The following SPECC1 variants were observed in gnomAD, a reference collection of about 807,000 sequenced individuals.
SPECC1 encodes the protein sperm antigen with calponin homology and coiled-coil domains 1, also known as cytospin-B.
A neutral mutation model predicts 104.1 loss-of-function variants in SPECC1; 62 were observed. The ratio of observed to expected loss-of-function variants is 0.60; its 90% CI spans 0.49 to 0.74. The LOEUF (loss-of-function observed/expected upper bound fraction) is 0.74. SPECC1 is among the 30% of genes least tolerant of loss of function. The pLI is 0.00. For synonymous variants in SPECC1, 513 were observed against 501.6 expected, an observed-to-expected ratio of 1.02 and a Z score of -0.30; for missense variants, 1,306 against 1,310.5, an observed-to-expected ratio of 1.00 and a Z score of 0.05.
At chr17:20,185,693 G>A (rs1168794683) in intron 3 of SPECC1, among the ~76,000 whole-genome samples, 1 of 152,212 alleles carries the variant, frequency 6.6e-6, no homozygotes, top group Non-Finnish European at 1.5e-5. Context: ...TGTGATGAAG[G>A]AATTCATTCA....
intron 3 of SPECC1, among the ~76,000 whole-genome samples, chr17:20,122,064 T>C (rs2049061559): frequency 6.6e-6 from 1 of 151,566 alleles, no homozygotes; most frequent in South Asian, 2.1e-4. Context: ...ACAGCTGGAG[T>C]GGTGGACATT....
chr17:20,273,117 C>T (rs1373561102), intron 12 of SPECC1, among the ~76,000 whole-genome samples: 3 of 152,190 alleles, frequency 2.0e-5, no homozygotes, highest in Non-Finnish European at 4.4e-5. Flanking sequence ...CATCCATTCT[C>T]CAGAGAAAGG....
intron 3 of SPECC1, among the ~76,000 whole-genome samples, chr17:20,124,669 C>A (rs1230093162): frequency 6.6e-6 from 1 of 152,164 alleles, no homozygotes; most frequent in Non-Finnish European, 1.5e-5. Context: ...TCATCATAAG[C>A]TGCAAATATG....
At chr17:20,022,552 T>C (rs2044436623) in intron 1 of SPECC1, among the ~76,000 whole-genome samples, 1 of 152,230 alleles carries the variant, frequency 6.6e-6, no homozygotes, top group South Asian at 2.1e-4. Flanking sequence ...TTTTACCTTT[T>C]GACATGTCTG....
intron 1 of SPECC1, among the ~76,000 whole-genome samples, chr17:20,050,438 A>G (rs1042755771): frequency 6.6e-6 from 1 of 152,202 alleles, no homozygotes; most frequent in South Asian, 2.1e-4. Context: ...TCATGTACCA[A>G]TATCAAACCT....
rs1469211169 is a variant in SPECC1, at chr17:20,173,940, TG to T, written c.284-30392del. ...TGAAGTTTTTGGTGTTTTTTTTTTTTGTTTTTGTGGAGACGGAGTTTTGCTT... is the reference window on the plus strand; with the variant it reads ...TGAAGTTTTTGGTGTTTTTTTTTTTTTTTTTGTGGAGACGGAGTTTTGCTT... On this transcript the variant is annotated intron_variant, in intron 3 of 14. Transcript: ENST00000395527. Among the ~76,000 whole-genome samples the T allele has an allele frequency of 9.3e-4, 130 of 140,264 alleles. 1 individual carries two copies. Among genetic ancestry groups the T allele is most frequent in the African/African-American group, 3.1e-3 (116 of 36,918 alleles). 92.0% of individuals were successfully genotyped at this position (140,264 alleles called of 152,430 possible). A position where few individuals can be genotyped will look rare whatever the true frequency, so the allele number is the denominator to read the frequency against.
At chr17:20,032,597 C>T (rs183957774) in intron 1 of SPECC1, among the ~76,000 whole-genome samples, 13 of 152,124 alleles carry the variant, frequency 8.5e-5, no homozygotes, top group African/African-American at 1.4e-4. Flanking sequence ...CTTTCAACTC[C>T]GGAATTTCCA....
chr17:20,187,708 T>G (rs1237688907), intron 3 of SPECC1, among the ~76,000 whole-genome samples: 1 of 152,198 alleles, frequency 6.6e-6, no homozygotes, highest in Non-Finnish European at 1.5e-5. Flanking sequence ...ACCAAGAGAT[T>G]TTTAACTCAC....
intron 3 of SPECC1, among the ~76,000 whole-genome samples, chr17:20,115,543 A>G (rs945695506): frequency 1.3e-5 from 2 of 152,160 alleles, no homozygotes; most frequent in Non-Finnish European, 2.9e-5. Context: ...AGGATTCAAC[A>G]ATAAATTAAA....
chr17:20,147,727 T>C (rs2031600345), intron 3 of SPECC1, among the ~76,000 whole-genome samples: 1 of 152,234 alleles, frequency 6.6e-6, no homozygotes, highest in Non-Finnish European at 1.5e-5. Flanking sequence ...AATTAAAGTT[T>C]AATCATGTAT....
intron 3 of SPECC1, among the ~76,000 whole-genome samples, chr17:20,173,538 G>A (rs746894134): frequency 8.5e-5 from 13 of 152,124 alleles, no homozygotes; most frequent in Non-Finnish European, 1.5e-4. Context: ...TTGCTAGGTC[G>A]CCTCCCAGCA....
rs28634349 is a variant in SPECC1, at chr17:20,234,771, G to C, written c.2351+2366G>C. ...TGTTTGCGTCCGTGGGCACTCACAG[G>C]GTTGGTTGCAGCCAGGCTGATAAGC... On this transcript the variant is annotated intron_variant, in intron 7 of 14. Transcript: ENST00000395527. 8.1e-4 allele frequency among the ~76,000 whole-genome samples: 123 copies of C among 152,308 alleles called. No homozygotes were observed. In the East Asian group the frequency reaches 0.013, roughly 16 times the overall value.
At chr17:20,278,718 TC>T (rs59940033) in intron 12 of SPECC1, among the ~76,000 whole-genome samples, 184 of 148,922 alleles carry the variant, frequency 1.2e-3, no homozygotes, top group South Asian at 5.0e-3. Context: ...TCTCTCTCTC[TC>T]TTTTTTTTTT....
chr17:20,109,736 CT>C (rs904178930), intron 2 of SPECC1, among the ~76,000 whole-genome samples: 4 of 152,132 alleles, frequency 2.6e-5, no homozygotes, highest in African/African-American at 7.2e-5. Context: ...TGTCATGAGC[CT>C]TTTTTTGTTG....
chr17:20,136,260 C>T (rs1299106784), intron 3 of SPECC1, among the ~76,000 whole-genome samples: 1 of 152,036 alleles, frequency 6.6e-6, no homozygotes, highest in Non-Finnish European at 1.5e-5. Context: ...CCCGTCTCTA[C>T]TGAAAATACA....
Position 20,011,852 on chromosome 17 carries a change from C to A in SPECC1, c.-22+2428C>A, listed in dbSNP as rs544536037. Among the ~76,000 whole-genome samples, 8 of 152,180 alleles carry A rather than the reference C, an allele frequency of 5.3e-5. No individual in the cohort carries two copies. In the South Asian group the frequency reaches 1.5e-3, roughly 28 times the overall value. The stretch of plus-strand genomic sequence containing the variant: ...CTATTGTTTTTGTTATTTTCTAGGT[C>A]AACATTTATTAGCTTTATCTACCTG... On this transcript the variant is annotated intron_variant, in intron 1 of 14. Coordinates refer to ENST00000395527, the MANE Select transcript of SPECC1 (RefSeq NM_001243439.2).
intron 3 of SPECC1, among the ~76,000 whole-genome samples, chr17:20,111,523 A>T (rs2048490567): frequency 6.6e-6 from 1 of 152,228 alleles, no homozygotes; most frequent in Admixed American, 6.5e-5. Flanking sequence ...AAATACAATA[A>T]ACAAAAGTAC....
chr17:20,140,361 A>C lies in SPECC1; in HGVS notation c.283+29799A>C, dbSNP rs145091495. 3.8e-3 allele frequency among the ~76,000 whole-genome samples: 576 copies of C among 152,318 alleles called. 5 individuals carry two copies. The highest frequency in any genetic ancestry group is 0.013 in the African/African-American group (529 of 41,578). On this transcript the variant is annotated intron_variant, in intron 3 of 14. Transcript: ENST00000395527. Reference sequence around the variant, plus strand: ...AACATGAGAAAGAACGAAAATACTTAAGAGGAAGATTGGATACTGAATCCT... The same window carrying C: ...AACATGAGAAAGAACGAAAATACTTCAGAGGAAGATTGGATACTGAATCCT...
chr17:20,284,714 A>T (rs1057398147), intron 12 of SPECC1, among the ~76,000 whole-genome samples: 10 of 152,168 alleles, frequency 6.6e-5, no homozygotes, highest in Admixed American at 1.3e-4. Context: ...TGATCTGTAA[A>T]CTGTTAAACT....
Sources: allele counts gnomAD v4.1 joint callset (sites outside exome capture counted in the v4.1 genomes callset), GRCh38; gene constraint gnomAD v4.1.1; transcripts MANE v1.5; gene names NCBI Gene and HGNC (gene_info 2026-07-23, HGNC 2026-07-21).